The following SP140 variants were observed in gnomAD, a reference collection of about 807,000 sequenced individuals.
SP140 encodes SP140 nuclear body protein.
In SP140, 81 loss-of-function variants were observed where a neutral mutation model predicts 125.0. That is an observed-to-expected ratio of 0.65 (90% CI 0.54 to 0.78). The LOEUF (loss-of-function observed/expected upper bound fraction) is 0.78, where lower values mean the gene tolerates loss of function less well. SP140 is among the 30% of genes least tolerant of loss of function. SP140 has a pLI of 0.00. For synonymous variants in SP140, 312 were observed against 354.0 expected, an observed-to-expected ratio of 0.88 and a Z score of 1.33; for missense variants, 858 against 1,037.0, an observed-to-expected ratio of 0.83 and a Z score of 2.37.
rs1464662822 is a variant in SP140, at chr2:230,292,718, G to A, written c.1898G>A (p.Gly633Asp). Residue 633 changes from glycine to aspartate, a missense_variant, in exon 20 of 27, where the codon GGC becomes GAC. Coordinates refer to ENST00000392045, the MANE Select transcript of SP140 (RefSeq NM_007237.5). ...CCCACGGAATTTGAAATCAAAGGAG[G>A]CCATGCAAGATCAAAGAACTGGAGG... ...FTPTEFEIKG[G>D]HARSKNWRLS... The A allele has an allele frequency of 1.2e-6, 2 of 1,614,212 alleles. No homozygotes were observed. Among genetic ancestry groups the A allele is most frequent in the Non-Finnish European group, 1.7e-6 (2 of 1,180,034 alleles).
At chr2:230,209,800 G>C (rs1475557758) in intron 1 of SP140, 1 of 722,976 alleles carries the variant, frequency 1.4e-6, no homozygotes, top group East Asian at 2.5e-5. Flanking sequence ...AATGGAAACT[G>C]CAGAAACGAA....
At chr2:230,238,993 T>C in intron 3 of SP140, 1 of 1,491,088 alleles carries the variant, frequency 6.7e-7, no homozygotes, top group Admixed American at 2.3e-5. Context: ...AAGTGGATTC[T>C]GGAAGGCTTG....
At chr2:230,313,698 G>A (rs1575408163), downstream of SP140, among the ~76,000 whole-genome samples, 1 of 152,184 alleles carries the variant, frequency 6.6e-6, no homozygotes, top group African/African-American at 2.4e-5. Flanking sequence ...CCCAGGAAGC[G>A]AGCTCTGAGG....
intron 1 of SP140, among the ~76,000 whole-genome samples, chr2:230,232,670 T>C (rs147898541): frequency 9.9e-4 from 151 of 152,360 alleles, no homozygotes; most frequent in African/African-American, 3.5e-3. Context: ...TTCTCTTCAT[T>C]ATTATTTATT....
intron 22 of SP140, among the ~76,000 whole-genome samples, chr2:230,305,973 C>T (rs938758604): frequency 6.6e-6 from 1 of 152,220 alleles, no homozygotes; most frequent in African/African-American, 2.4e-5. Flanking sequence ...GTGCCCCAAG[C>T]CATCCCTGAG....
At chr2:230,217,038 G>C (rs2045269218) in intron 3 of SP140, 1 of 810,684 alleles carries the variant, frequency 1.2e-6, no homozygotes, top group Admixed American at 2.1e-5. Flanking sequence ...CTGAGGTCAA[G>C]AGATTGAGAC....
chr2:230,287,924 A>T lies in SP140; in HGVS notation c.1678A>T (p.Thr560Ser), dbSNP rs376999350. Residue 560 changes from threonine (T) to serine (S), a missense_variant, in exon 18 of 27, where the codon ACT becomes TCT. Around this residue, in one of 4 missense-constraint regions of SP140, gnomAD observed 791 missense variants for 869.5 expected, o/e 0.91. Coordinates refer to ENST00000392045, the MANE Select transcript of SP140 (RefSeq NM_007237.5). The stretch of plus-strand genomic sequence containing the variant: ...GAGAGGCAAACCTGGAACCCGCTTC[A>T]CTCAGAGTGACAGAGCTGCACAGAA... Reference protein sequence around the residue: ...RKRGKPGTRFTQSDRAAQKRV... With the variant: ...RKRGKPGTRFSQSDRAAQKRV... 149 of 1,612,400 alleles carry T rather than the reference A, an allele frequency of 9.2e-5. 1 individual carries two copies. The highest frequency in any genetic ancestry group is 1.2e-4 in the Non-Finnish European group (138 of 1,179,764).
intron 10 of SP140, among the ~76,000 whole-genome samples, chr2:230,252,361 T>C (rs1315361526): frequency 6.6e-6 from 1 of 151,966 alleles, no homozygotes; most frequent in South Asian, 2.1e-4. Flanking sequence ...GATATAAGTG[T>C]ATACCTTCAT....
chr2:230,288,505 CTTTCTTTCTTTCT>C lies in SP140; in HGVS notation c.1720+542_1720+554del, dbSNP rs796526125. On this transcript the variant is annotated intron_variant, in intron 18 of 26. Coordinates refer to ENST00000392045, the MANE Select transcript of SP140 (RefSeq NM_007237.5). ...TCTTTCTTTCTTTCTTTCTTTCTTT[CTTTCTTTCTTTCT>C]TTCTTTTTTTATTCTTTAAGTTCTG... 3.0e-3 allele frequency among the ~76,000 whole-genome samples: 352 copies of C among 119,192 alleles called. 3 individuals carry two copies. The highest frequency in any genetic ancestry group is 8.1e-3 in the South Asian group (24 of 2,964). The allele number at this position is 119,192 out of a possible 152,430, so 78.2% of individuals were successfully genotyped here.
intron 15 of SP140, among the ~76,000 whole-genome samples, chr2:230,280,414 A>C (rs752570639): frequency 1.2e-4 from 19 of 152,126 alleles, no homozygotes; most frequent in Non-Finnish European, 2.4e-4. Flanking sequence ...TTGTAACTGC[A>C]CTTAACTTTT....
At chr2:230,199,148 A>T (rs28575861), upstream of SP140, among the ~76,000 whole-genome samples, 1,242 of 139,020 alleles carry the variant, frequency 8.9e-3, 11 homozygotes, top group African/African-American at 0.019. Flanking sequence ...TATTATTATT[A>T]TTTTTTTTTT....
intron 22 of SP140, among the ~76,000 whole-genome samples, chr2:230,308,254 G>A (rs1187520174): frequency 3.3e-5 from 5 of 151,902 alleles, no homozygotes; most frequent in African/African-American, 9.7e-5. Flanking sequence ...GTGGAGGAGG[G>A]TGAGGGATAA....
Position 230,212,825 on chromosome 2 carries a change from C to T in SP140, c.-322-829C>T, listed in dbSNP as rs114550400. On this transcript the variant is annotated intron_variant, in intron 1 of 4. Coordinates refer to the SP140 transcript ENST00000456542. ...GCAGGACAGGGTCAGATGGGCTGGG[C>T]GACTCACTCAGGATCTCATCGCTTT... The T allele has an allele frequency of 6.3e-5, 102 of 1,613,998 alleles. 2 individuals are homozygous for T. Among genetic ancestry groups the T allele is most frequent in the East Asian group, 5.3e-4 (24 of 44,870 alleles).
upstream of SP140, chr2:230,200,716 T>A: frequency 3.1e-6 from 2 of 650,720 alleles, no homozygotes. Flanking sequence ...ATATTTGTAG[T>A]AGTAAATATC....
chr2:230,212,620 C>A, intron 1 of SP140: 1 of 1,242,578 alleles, frequency 8.0e-7, no homozygotes, highest in Non-Finnish European at 1.2e-6. Context: ...CATAATCCCT[C>A]TTGAAAAGGG....
At chr2:230,270,117 A>G (rs1411187631) in intron 14 of SP140, among the ~76,000 whole-genome samples, 164 bp downstream of exon 14, 1 of 152,158 alleles carries the variant, frequency 6.6e-6, no homozygotes, top group African/African-American at 2.4e-5. Context: ...GTTATAAAGT[A>G]CTATTTAAGA....
downstream of SP140, among the ~76,000 whole-genome samples, chr2:230,316,369 G>A (rs2059483696): frequency 6.6e-6 from 1 of 152,158 alleles, no homozygotes; most frequent in Non-Finnish European, 1.5e-5. Flanking sequence ...AGAGCTTGAT[G>A]GGCCTCCTCA....
At chr2:230,305,245 C>A (rs1401214672) in intron 22 of SP140, among the ~76,000 whole-genome samples, 2 of 152,136 alleles carry the variant, frequency 1.3e-5, no homozygotes, top group Admixed American at 6.5e-5. Context: ...ACTTAAAGAT[C>A]AAAAAATAAT....
intron 15 of SP140, among the ~76,000 whole-genome samples, chr2:230,276,464 C>T (rs1196247229): frequency 2.0e-5 from 3 of 152,100 alleles, no homozygotes; most frequent in Admixed American, 1.3e-4. Flanking sequence ...GAGACATACT[C>T]CTCAGAAAAA....
Sources: allele counts gnomAD v4.1 joint callset (sites outside exome capture counted in the v4.1 genomes callset), GRCh38; gene constraint gnomAD v4.1.1; regional missense constraint gnomAD v4.1.1; transcripts MANE v1.5; gene names NCBI Gene and HGNC (gene_info 2026-07-23, HGNC 2026-07-21).